TMEM116: variants seen among roughly 807,000 people sequenced by gnomAD.
TMEM116 encodes the protein transmembrane protein 116.
In TMEM116, 38 loss-of-function variants were observed where a neutral mutation model predicts 44.3. The ratio of observed to expected loss-of-function variants is 0.86; its 90% CI spans 0.66 to 1.12. The LOEUF (loss-of-function observed/expected upper bound fraction) is 1.12. Among genes scored for constraint, TMEM116 ranks in the 50% most tolerant of loss-of-function variants. The pLI is 0.00. For missense variants in TMEM116, 354 were observed against 401.7 expected (o/e 0.88, Z 1.01); for synonymous variants, 132 against 144.8 (o/e 0.91, Z 0.64).
intron 1 of TMEM116, among the ~76,000 whole-genome samples, chr12:112,008,561 C>A (rs1024626010): frequency 3.3e-5 from 5 of 151,968 alleles, no homozygotes; most frequent in African/African-American, 1.2e-4. Flanking sequence ...TATATCAATT[C>A]AAGTTAACAC....
intron 4 of TMEM116, among the ~76,000 whole-genome samples, chr12:111,947,421 C>T (rs1387699886): frequency 6.6e-6 from 1 of 152,016 alleles, no homozygotes; most frequent in Non-Finnish European, 1.5e-5. Context: ...CAAAATCAGG[C>T]TTACTTGAGA....
chr12:111,959,529 C>A (rs2136373412), intron 4 of TMEM116, among the ~76,000 whole-genome samples: 1 of 152,204 alleles, frequency 6.6e-6, no homozygotes, highest in East Asian at 1.9e-4. Context: ...GCTAAATGCC[C>A]CAATTAAAAG....
At chr12:112,005,609 C>G (rs544992585) in intron 1 of TMEM116, 2 of 825,300 alleles carry the variant, frequency 2.4e-6, no homozygotes, top group East Asian at 2.0e-4. Context: ...TACCTGTAAT[C>G]CCGACACTTT....
chr12:111,956,561 C>T (rs2074099801), intron 4 of TMEM116, among the ~76,000 whole-genome samples: 2 of 152,190 alleles, frequency 1.3e-5, no homozygotes. Flanking sequence ...CCTCTAATGC[C>T]GAGCCGAGGC....
chr12:111,973,106 C>T (rs1367478006), intron 4 of TMEM116, among the ~76,000 whole-genome samples: 2 of 152,040 alleles, frequency 1.3e-5, no homozygotes, highest in African/African-American at 4.8e-5. Context: ...CCACTGCACT[C>T]CAGTCTGGCC....
At chr12:111,942,820 G>C (rs1250881913) in intron 5 of TMEM116, among the ~76,000 whole-genome samples, 2 of 151,994 alleles carry the variant, frequency 1.3e-5, no homozygotes, top group African/African-American at 2.4e-5. Context: ...GTGTGAGAGA[G>C]AGAAGGGAGA....
chr12:111,966,583 T>G (rs1565912959), intron 4 of TMEM116, among the ~76,000 whole-genome samples: 1 of 152,356 alleles, frequency 6.6e-6, no homozygotes, highest in Non-Finnish European at 1.5e-5. Flanking sequence ...TGCCAGTTTC[T>G]TAGCATCATA....
rs920213690 is a variant in TMEM116 at position 111,931,409 on chromosome 12, T to C, written c.*212A>G. The C allele has an allele frequency of 5.2e-6, 3 of 572,032 alleles. No individual in the cohort carries two copies. Among genetic ancestry groups the C allele is most frequent in the African/African-American group, 3.8e-5 (2 of 52,350 alleles). 35.4% of individuals were successfully genotyped at this position (572,032 alleles called of 1,614,324 possible). On this transcript the variant is annotated 3_prime_UTR_variant, in exon 11 of 11. Coordinates refer to ENST00000552374, the MANE Select transcript of TMEM116 (RefSeq NM_001193531.2). ...TGGAAAGTGTCTTCCTCTCCCTGAATAGAGACTTTAAGGATCACTAGTGAA... is the reference window on the plus strand; with the variant it reads ...TGGAAAGTGTCTTCCTCTCCCTGAACAGAGACTTTAAGGATCACTAGTGAA...
At chr12:111,945,073 TAAAAAAAAAAA>T (rs1231486290) in intron 4 of TMEM116, among the ~76,000 whole-genome samples, 1 of 56,622 alleles carries the variant, frequency 1.8e-5, no homozygotes, top group East Asian at 4.9e-4. Flanking sequence ...AGACTCCATC[TAAAAAAAAAAA>T]AAAAAAAAAA....
At chr12:111,968,234 A>T (rs1278438523) in intron 4 of TMEM116, among the ~76,000 whole-genome samples, 1 of 152,194 alleles carries the variant, frequency 6.6e-6, no homozygotes, top group East Asian at 1.9e-4. Flanking sequence ...TGCCAACAAT[A>T]GTGCCTGTTC....
At chr12:111,935,686 C>T (rs1206577485) in intron 8 of TMEM116, 1 of 148,798 alleles carries the variant, frequency 6.7e-6, no homozygotes, top group Non-Finnish European at 1.5e-5. Flanking sequence ...TCCTCTGTTG[C>T]CCAGGCTGGA....
intron 4 of TMEM116, among the ~76,000 whole-genome samples, chr12:111,976,394 C>A (rs991330506): frequency 6.6e-6 from 1 of 151,818 alleles, no homozygotes; most frequent in South Asian, 2.1e-4. Flanking sequence ...GCAGGAGAAT[C>A]GCTTGAAACC....
intron 4 of TMEM116, among the ~76,000 whole-genome samples, chr12:111,953,870 T>C (rs1278763817): frequency 2.0e-5 from 3 of 152,184 alleles, no homozygotes; most frequent in Non-Finnish European, 4.4e-5. Context: ...CAAGAACACA[T>C]TTAAAACTAT....
chr12:111,966,216 G>A (rs563705615), intron 4 of TMEM116, among the ~76,000 whole-genome samples: 123 of 151,936 alleles, frequency 8.1e-4, no homozygotes, highest in African/African-American at 3.0e-3. Flanking sequence ...TGAGGCAGAA[G>A]AATTGCTTGA....
chr12:111,992,292 CAG>C (rs1435062021), intron 3 of TMEM116, among the ~76,000 whole-genome samples: 2 of 145,872 alleles, frequency 1.4e-5, no homozygotes, highest in African/African-American at 5.1e-5. Context: ...TTTTTGGAGA[CAG>C]AGTTTCGCTC....
chr12:112,000,577 A>C (rs1404156061), intron 3 of TMEM116, among the ~76,000 whole-genome samples: 1 of 148,270 alleles, frequency 6.7e-6, no homozygotes, highest in African/African-American at 2.5e-5. Context: ...CACAGGCTGG[A>C]GTGCAGTGGC....
chr12:111,951,161 ACAC>A (rs1371465733), intron 4 of TMEM116, among the ~76,000 whole-genome samples: 2 of 152,234 alleles, frequency 1.3e-5, no homozygotes, highest in Admixed American at 1.3e-4. Context: ...TGGTGTGGTT[ACAC>A]CACAGATGCT....
Position 112,008,954 on chromosome 12 carries a change from A to T in TMEM116, c.-33-3651T>A, listed in dbSNP as rs541360567. 1.2e-3 allele frequency among the ~76,000 whole-genome samples: 186 copies of T among 152,002 alleles called. 1 individual carries two copies. Among genetic ancestry groups the T allele is most frequent in the Non-Finnish European group, 7.1e-4 (48 of 67,930 alleles). On this transcript the variant is annotated intron_variant, in intron 1 of 10. Coordinates refer to ENST00000552374, the MANE Select transcript of TMEM116 (RefSeq NM_001193531.2). ...CGCACCATTGCACTCCAGCCTGGGC[A>T]ACAAGAGCGAAACTCCATTTCAAAA...
intron 4 of TMEM116, among the ~76,000 whole-genome samples, chr12:111,978,261 C>A (rs983804001): frequency 6.6e-6 from 1 of 151,980 alleles, no homozygotes; most frequent in Non-Finnish European, 1.5e-5. Flanking sequence ...GTTAGCCAGG[C>A]ATGGTGGTGC....
Sources: gnomAD v4.1 joint callset for allele counts (sites outside exome capture counted in the v4.1 genomes callset) on GRCh38, gnomAD v4.1.1 for gene constraint, MANE v1.5 for transcripts, NCBI Gene and HGNC (gene_info 2026-07-23, HGNC 2026-07-21) for gene names.